KEL: variants seen among roughly 807,000 people sequenced by gnomAD.
The protein encoded by KEL is kell blood group glycoprotein.
Under a neutral mutation model 99.5 loss-of-function variants are expected in KEL, and 96 were observed. The observed-to-expected ratio is 0.97, with a 90% CI of 0.82 to 1.14. The LOEUF (loss-of-function observed/expected upper bound fraction) is 1.14. Among genes scored for constraint, KEL ranks in the 50% most tolerant of loss-of-function variants. KEL has a pLI of 0.00. For missense variants in KEL, 926 were observed against 924.2 expected (o/e 1.00, Z -0.03); for synonymous variants, 355 against 354.8 (o/e 1.00, Z -0.01).
chr7:142,958,320 C>T lies in KEL; in HGVS notation c.509G>A (p.Arg170Lys), dbSNP rs1274781653. The change falls in exon 5 of 19, where the codon AGA (arginine) becomes AAA (lysine). Residue 170 changes from arginine (R) to lysine (K), a missense_variant. By Grantham distance (26) the Arg-to-Lys change is conservative. Transcript: ENST00000355265. Reference sequence around the variant, plus strand: ...TTTTCTCACCTCCTCAATAACTTGTCTGAGGGGACCAGTCCCTGCAGCTTC... The same window carrying T: ...TTTTCTCACCTCCTCAATAACTTGTTTGAGGGGACCAGTCCCTGCAGCTTC... ...AIEAAGTGPL[R>K]QVIEELGGWR... 6.2e-7 allele frequency: 1 copy of T among 1,614,156 alleles called. No homozygotes were observed. The highest frequency in any genetic ancestry group is 1.3e-5 in the African/African-American group (1 of 75,048).
At chr7:142,949,908 A>G (rs8176006) in intron 10 of KEL, among the ~76,000 whole-genome samples, 12,521 of 152,268 alleles carry the variant, frequency 0.082, 1,216 homozygotes, top group African/African-American at 0.24. Flanking sequence ...AACCTGACTT[A>G]ACAGCCATTT....
Position 142,942,961 on chromosome 7 carries a change from G to T in KEL, c.1855C>A (p.Pro619Thr). Residue 619 changes from proline to threonine, a missense_variant, in exon 17 of 19, where the codon CCA (proline) becomes ACA (threonine). Coordinates refer to ENST00000355265, the MANE Select transcript of KEL (RefSeq NM_000420.3). ...TTGAAGGAGGTTCTGCTAGGTAATGGAAAGGCAGCATAATGGCGCTTCAGG... is the reference window on the plus strand; with the variant it reads ...TTGAAGGAGGTTCTGCTAGGTAATGTAAAGGCAGCATAATGGCGCTTCAGG... ...LCLKRHYAAFPLPSRTSFNDS... is the reference protein window; with the variant it reads ...LCLKRHYAAFTLPSRTSFNDS... 1 of 1,614,214 alleles carries T rather than the reference G, an allele frequency of 6.2e-7. No individual in the cohort carries two copies. The highest frequency in any genetic ancestry group is 8.5e-7 in the Non-Finnish European group (1 of 1,180,038).
chr7:142,944,312 C>A lies in KEL; in HGVS notation c.1491+11G>T. The A allele has an allele frequency of 4.4e-6, 7 of 1,608,516 alleles. No homozygotes were observed. Among genetic ancestry groups the A allele is most frequent in the Non-Finnish European group, 6.0e-6 (7 of 1,174,848 alleles). On this transcript the variant is annotated intron_variant, in intron 13 of 18. Coordinates refer to ENST00000355265, the MANE Select transcript of KEL (RefSeq NM_000420.3). ...AGGACTGAAAAGGAGCTGGAAAACA[C>A]AGGGACCCACATCGTTGTATTCTTG...
At chr7:142,943,190 T>C (rs8176037) in intron 16 of KEL, 86 bp downstream of exon 16, 36,134 of 1,560,534 alleles carry the variant, frequency 0.023, 1,069 homozygotes, top group African/African-American at 0.15. Context: ...AACCCTCAAA[T>C]AACCTCCCTT....
Position 142,957,828 on chromosome 7 carries a change from T to C in KEL, c.671A>G (p.Gln224Arg). 6.2e-7 allele frequency: 1 copy of C among 1,614,084 alleles called. No individual in the cohort carries two copies. Among genetic ancestry groups the C allele is most frequent in the Non-Finnish European group, 8.5e-7 (1 of 1,180,002 alleles). ...TGTCTTCGCCAGTGCATCCCTCACC[T>C]GGATGACTGGTGTGTGTGGAGAGGC... The part of the protein sequence containing the change: ...HPASPHTPVI[Q>R]IDQPEFDVPL... The change falls in exon 6 of 19, where the codon CAG becomes CGG. Residue 224 changes from glutamine to arginine, a missense_variant and splice_region_variant. Transcript: ENST00000355265.
chr7:142,961,146 G>T (rs1368060549), intron 3 of KEL, 42 bp from the exon 4 acceptor site: 1 of 1,608,056 alleles, frequency 6.2e-7, no homozygotes, highest in Non-Finnish European at 8.5e-7. Context: ...GAGGCAAAAA[G>T]ACAAGGGCTC....
At chr7:142,951,503 C>A (rs142653093) in intron 10 of KEL, among the ~76,000 whole-genome samples, 405 of 152,240 alleles carry the variant, frequency 2.7e-3, no homozygotes, top group African/African-American at 9.2e-3. Flanking sequence ...TTCAAATCCT[C>A]ACCCCACTAA....
chr7:142,945,632 C>CT (rs35052637), intron 11 of KEL, among the ~76,000 whole-genome samples: 466 of 144,806 alleles, frequency 3.2e-3, no homozygotes, highest in African/African-American at 9.2e-3. Context: ...TTCAATTTTC[C>CT]TTTTTTTTTT....
chr7:142,958,256 T>C (rs746197986), intron 5 of KEL, 48 bp downstream of exon 5: 7 of 1,613,324 alleles, frequency 4.3e-6, no homozygotes, highest in Non-Finnish European at 5.1e-6. Flanking sequence ...CATGCATTGG[T>C]CCCATATGTT....
At chr7:142,944,264 G>T in intron 13 of KEL, 59 bp downstream of exon 13, 1 of 1,325,550 alleles carries the variant, frequency 7.5e-7, no homozygotes. Flanking sequence ...ACTTAGGAGG[G>T]TCAGAGAAGT....
At chr7:142,946,003 T>C (rs2116648418) in intron 11 of KEL, 1 of 598,964 alleles carries the variant, frequency 1.7e-6, no homozygotes, top group East Asian at 2.8e-5. Flanking sequence ...GAGCATGTCA[T>C]GGAGAATTTG....
At chr7:142,952,671 C>G in intron 9 of KEL, 33 bp from the exon 10 acceptor site, 1 of 1,613,142 alleles carries the variant, frequency 6.2e-7, no homozygotes, top group African/African-American at 1.3e-5. Context: ...CACATATACC[C>G]CAGGAATCTG....
chr7:142,943,531 G>A lies in KEL; in HGVS notation c.1658C>T (p.Pro553Leu), dbSNP rs1431256906. The change falls in exon 15 of 19, where the codon CCA (proline) becomes CTA (leucine). Residue 553 changes from proline (P) to leucine (L), a missense_variant. By Grantham distance (98) the Pro-to-Leu change is moderately conservative (BLOSUM62 -3). Transcript: ENST00000355265. ...YSVSDHVVVF[P>L]AGLLQPPFFH... ...GAATGGGGGTTGGAGGAGTCCAGCTGGAAAGACTACCACATGGTCAGATAC... is the reference window on the plus strand; with the variant it reads ...GAATGGGGGTTGGAGGAGTCCAGCTAGAAAGACTACCACATGGTCAGATAC... The A allele has an allele frequency of 5.6e-6, 9 of 1,614,144 alleles. No individual in the cohort carries two copies. The highest frequency in any genetic ancestry group is 7.6e-6 in the Non-Finnish European group (9 of 1,179,994).
rs1238135060 is a variant in KEL at position 142,961,099 on chromosome 7, A to G, written c.229T>C (p.Cys77Arg). 2 of 1,613,578 alleles carry G rather than the reference A, an allele frequency of 1.2e-6. No homozygotes were observed. Among genetic ancestry groups the G allele is most frequent in the Non-Finnish European group, 1.7e-6 (2 of 1,180,048 alleles). Residue 77 changes from cysteine (C) to arginine (R), a missense_variant, in exon 4 of 19, where the codon TGT becomes CGT. By Grantham distance (180) the Cys-to-Arg change is radical. Transcript: ENST00000355265. ...AGATCCAAACACACAGATGTCTCAC[A>G]GGGGCCTGTGGGGAAAAGCTCAGAG... ...YNFQNCGPRP[C>R]ETSVCLDLRD... is the part of the protein sequence containing the mutation.
intron 10 of KEL, among the ~76,000 whole-genome samples, chr7:142,951,122 T>C (rs1796675904): frequency 6.6e-6 from 1 of 152,242 alleles, no homozygotes; most frequent in Non-Finnish European, 1.5e-5. Flanking sequence ...CACACAACTA[T>C]TTGTTGGCAG....
intron 5 of KEL, 119 bp from the exon 6 acceptor site, chr7:142,958,092 CT>C: frequency 7.3e-7 from 1 of 1,374,564 alleles, no homozygotes; most frequent in Middle Eastern, 2.4e-4. Flanking sequence ...TTCGATTCCT[CT>C]AGGAAGCCAC....
At chr7:142,944,284 T>A (rs1796452335) in intron 13 of KEL, 39 bp downstream of exon 13, 1 of 1,506,662 alleles carries the variant, frequency 6.6e-7, no homozygotes, top group Non-Finnish European at 9.2e-7. Context: ...TGACGAGAAG[T>A]CAAGGACTGA....
chr7:142,943,178 C>T, intron 16 of KEL, 98 bp downstream of exon 16: 1 of 1,553,504 alleles, frequency 6.4e-7, no homozygotes, highest in Non-Finnish European at 8.8e-7. Context: ...TGCCCCACCT[C>T]AAACCCTCAA....
Position 142,950,736 on chromosome 7 carries a change from C to T in KEL, c.1203+1773G>A, listed in dbSNP as rs545982655. 3.0e-4 allele frequency among the ~76,000 whole-genome samples: 46 copies of T among 152,306 alleles called. 1 individual carries two copies. The South Asian group carries it at 7.9e-3, about 26-fold the overall frequency. The stretch of plus-strand genomic sequence containing the variant: ...TGTAACACCAACCATTTATGGATCA[C>T]GAAGTCGATATTTACTATGTTGCCC... On this transcript the variant is annotated intron_variant, in intron 10 of 18. Coordinates refer to ENST00000355265, the MANE Select transcript of KEL (RefSeq NM_000420.3).
Sources: gnomAD v4.1 joint callset for allele counts (sites outside exome capture counted in the v4.1 genomes callset) on GRCh38, gnomAD v4.1.1 for gene constraint, MANE v1.5 for transcripts, NCBI Gene and HGNC (gene_info 2026-07-23, HGNC 2026-07-21) for gene names.